AGAP1: variants seen among roughly 807,000 people sequenced by gnomAD.
AGAP1 encodes the protein arf-GAP with GTPase, ANK repeat and PH domain-containing protein 1.
In AGAP1, 29 loss-of-function variants were observed where a neutral mutation model predicts 105.3. The ratio of observed to expected loss-of-function variants is 0.28; its 90% CI spans 0.21 to 0.38. The LOEUF is 0.38. AGAP1 is among the 10% of genes least tolerant of loss of function. AGAP1 has a pLI of 1.00. For synonymous variants in AGAP1, 509 were observed against 485.9 expected, an observed-to-expected ratio of 1.05 and a Z score of -0.63; for missense variants, 998 against 1,165.1, an observed-to-expected ratio of 0.86 and a Z score of 2.09.
At chr2:236,059,058 G>A (rs1559235134) in intron 16 of AGAP1, among the ~76,000 whole-genome samples, 3 of 151,978 alleles carry the variant, frequency 2.0e-5, no homozygotes, top group Non-Finnish European at 2.9e-5. Context: ...CAGGTGCAGT[G>A]GCTCATACCT....
chr2:235,912,540 G>C (rs1247576188), intron 11 of AGAP1, among the ~76,000 whole-genome samples: 1 of 152,130 alleles, frequency 6.6e-6, no homozygotes, highest in Non-Finnish European at 1.5e-5. Flanking sequence ...GATTGAATTA[G>C]ATCAACATTT....
chr2:235,581,876 A>G (rs1168722470), intron 1 of AGAP1, among the ~76,000 whole-genome samples: 1 of 152,220 alleles, frequency 6.6e-6, no homozygotes, highest in African/African-American at 2.4e-5. Context: ...ATTCTCAAAC[A>G]TCACAATGAT....
rs1559717330 is a variant in AGAP1 at position 235,977,590 on chromosome 2, G to A, written c.1645+8967G>A. Among the ~76,000 whole-genome samples the A allele has an allele frequency of 6.6e-6, 1 of 152,106 alleles. No homozygotes were observed. Reference sequence around the variant, plus strand: ...TGTTCCCACGCTCTGTTAGACACATGCGGCCTGGGCTTCAGGAAGTAGAGA... The same window carrying A: ...TGTTCCCACGCTCTGTTAGACACATACGGCCTGGGCTTCAGGAAGTAGAGA... On this transcript the variant is annotated intron_variant, in intron 13 of 17. Transcript: ENST00000304032. This position sits in a 1 kb window ranked among gnomAD's most constrained non-coding sequence, Gnocchi z 5.2.
In AGAP1 at chr2:235,741,161, C is replaced by A. The variant is rs540779165; in HGVS notation, c.396+113C>A. ...TTGGTTTCCAAAAAAGTGGAAACCC[C>A]ATAAAAAATGTTTCCTCTCACTGCA... On this transcript the variant is annotated intron_variant, in intron 4 of 17. Transcript: ENST00000304032. The surrounding 1 kb of genome is among the most constrained non-coding windows in gnomAD (Gnocchi z 4.9). The A allele has an allele frequency of 4.8e-6, 4 of 828,514 alleles. No individual in the cohort carries two copies. In the South Asian group the frequency reaches 1.0e-4, roughly 22 times the overall value. 51.3% of individuals were successfully genotyped at this position (828,514 alleles called of 1,614,324 possible). A position where few individuals can be genotyped will look rare whatever the true frequency, so the allele number is the denominator to read the frequency against.
In AGAP1 at chr2:235,971,864, G is replaced by A. The variant is rs894980926; in HGVS notation, c.1645+3241G>A. Among the ~76,000 whole-genome samples the A allele has an allele frequency of 2.6e-5, 4 of 151,396 alleles. No homozygotes were observed. The highest frequency in any genetic ancestry group is 4.2e-4 in the South Asian group (2 of 4,752). ...TGCAGTCACGGCTCACTGCAGCCTC[G>A]AACTCCCAGGTTCAAGTGATCTTCC... is the stretch of plus-strand genomic sequence containing the variant. On this transcript the variant is annotated intron_variant, in intron 13 of 17. Coordinates refer to ENST00000304032, the MANE Select transcript of AGAP1 (RefSeq NM_001037131.3). The surrounding 1 kb of genome is among the most constrained non-coding windows in gnomAD (Gnocchi z 4.8).
chr2:235,665,741 T>C lies in AGAP1; in HGVS notation c.164-43438T>C, dbSNP rs1430260375. Among the ~76,000 whole-genome samples, 3 of 152,148 alleles carry C rather than the reference T, an allele frequency of 2.0e-5. No individual in the cohort carries two copies. Among genetic ancestry groups the C allele is most frequent in the Non-Finnish European group, 4.4e-5 (3 of 68,036 alleles). ...TGGTGGGCTCCCGGGGTGGGCATGC[T>C]CAGGCCTGGGCAGTACCAGTGGTTG... On this transcript the variant is annotated intron_variant, in intron 1 of 17. Coordinates refer to ENST00000304032, the MANE Select transcript of AGAP1 (RefSeq NM_001037131.3). The surrounding 1 kb of genome is among the most constrained non-coding windows in gnomAD (Gnocchi z 5.3).
At chr2:235,516,754 G>C (rs2149041275) in intron 1 of AGAP1, among the ~76,000 whole-genome samples, 1 of 152,318 alleles carries the variant, frequency 6.6e-6, no homozygotes, top group South Asian at 2.1e-4. Flanking sequence ...TCCCCGGCAG[G>C]CTTCAGAATC....
At chr2:235,997,101 G>T (rs2055850179) in intron 13 of AGAP1, among the ~76,000 whole-genome samples, 1 of 152,058 alleles carries the variant, frequency 6.6e-6, no homozygotes, top group African/African-American at 2.4e-5. Context: ...CTTTTTTGTT[G>T]TTGTTGTTAC....
intron 15 of AGAP1, among the ~76,000 whole-genome samples, chr2:236,043,947 T>A (rs1367561158): frequency 6.6e-6 from 1 of 151,944 alleles, no homozygotes; most frequent in East Asian, 1.9e-4. Flanking sequence ...AGCGTGGAAT[T>A]TGGAATTGTG....
chr2:235,547,740 T>C (rs895270346), intron 1 of AGAP1, among the ~76,000 whole-genome samples: 2 of 152,162 alleles, frequency 1.3e-5, no homozygotes, highest in Admixed American at 1.3e-4. Flanking sequence ...TGGTCTGCCC[T>C]CCTCAGCCTC....
chr2:235,799,765 G>GTGTA lies in AGAP1; in HGVS notation c.957+245_957+248dup. On this transcript the variant is annotated intron_variant, in intron 8 of 17. Coordinates refer to ENST00000304032, the MANE Select transcript of AGAP1 (RefSeq NM_001037131.3). The surrounding 1 kb of genome is among the most constrained non-coding windows in gnomAD (Gnocchi z 5.0). ...GTGTCTGAAATGAAGAGCTGGGGGT[G>GTGTA]TGTATAAAGGCACTTGTTATCCTGT... Among the ~76,000 whole-genome samples, 1 of 152,298 alleles carries GTGTA rather than the reference G, an allele frequency of 6.6e-6. No homozygotes were observed. Among genetic ancestry groups the GTGTA allele is most frequent in the South Asian group, 2.1e-4 (1 of 4,826 alleles).
rs1030829951 is a variant in AGAP1 at position 235,965,069 on chromosome 2, G to T, written c.1484-3393G>T. Among the ~76,000 whole-genome samples the T allele has an allele frequency of 6.6e-6, 1 of 152,196 alleles. No homozygotes were observed. The highest frequency in any genetic ancestry group is 2.1e-4 in the South Asian group (1 of 4,824). Reference sequence around the variant, plus strand: ...GTCTCAGGACTGCTGGCTACACCTCGGGTACAGTTAACCAAGGAGGTTTAC... The same window carrying T: ...GTCTCAGGACTGCTGGCTACACCTCTGGTACAGTTAACCAAGGAGGTTTAC... On this transcript the variant is annotated intron_variant, in intron 12 of 17. Coordinates refer to ENST00000304032, the MANE Select transcript of AGAP1 (RefSeq NM_001037131.3). The surrounding 1 kb of genome is among the most constrained non-coding windows in gnomAD (Gnocchi z 5.8).
intron 5 of AGAP1, among the ~76,000 whole-genome samples, chr2:235,746,920 C>T (rs1325715523): frequency 6.6e-6 from 1 of 152,084 alleles, no homozygotes; most frequent in East Asian, 1.9e-4. Flanking sequence ...ATCCATGTTC[C>T]ATCAGTAGGA....
rs377661769 is a variant in AGAP1 at position 236,062,110 on chromosome 2, G to A, written c.2114+12829G>A. Among the ~76,000 whole-genome samples, 17 of 152,254 alleles carry A rather than the reference G, an allele frequency of 1.1e-4. No homozygotes were observed. In the East Asian group the frequency reaches 1.2e-3, roughly 10 times the overall value. On this transcript the variant is annotated intron_variant, in intron 16 of 17. Transcript: ENST00000304032. This position sits in a 1 kb window ranked among gnomAD's most constrained non-coding sequence, Gnocchi z 4.2. ...CCCTGCGGACGGCCCACAGGGGAGC[G>A]AGAGCAGGTGGAAGGTGGTGCCTAT...
intron 1 of AGAP1, among the ~76,000 whole-genome samples, chr2:235,667,205 G>A (rs1298200013): frequency 6.6e-6 from 1 of 152,126 alleles, no homozygotes; most frequent in Non-Finnish European, 1.5e-5. Context: ...CATTTTTCGG[G>A]AGTTGGGTCA....
intron 9 of AGAP1, among the ~76,000 whole-genome samples, chr2:235,878,548 G>A (rs1378621041): frequency 2.0e-5 from 3 of 152,144 alleles, no homozygotes; most frequent in Non-Finnish European, 4.4e-5. Flanking sequence ...GTCGGGTTGA[G>A]ATTTCTTGTC....
rs1942644588 is a variant in AGAP1, at chr2:235,522,062, T to C, written c.163+27213T>C. ...CATCGGATGTAATCAGGATGTGCAG[T>C]CTTTTTGGTTCCTAGAGGCTGACTG... On this transcript the variant is annotated intron_variant, in intron 1 of 17. Transcript: ENST00000304032. 2.6e-5 allele frequency among the ~76,000 whole-genome samples: 4 copies of C among 152,256 alleles called. 1 individual carries two copies. In the South Asian group the frequency reaches 8.3e-4, roughly 32 times the overall value.
chr2:235,751,748 C>T lies in AGAP1; in HGVS notation c.673+1260C>T, dbSNP rs1408544290. 1.3e-5 allele frequency among the ~76,000 whole-genome samples: 2 copies of T among 152,310 alleles called. No homozygotes were observed. The highest frequency in any genetic ancestry group is 3.9e-4 in the East Asian group (2 of 5,176). On this transcript the variant is annotated intron_variant, in intron 6 of 17. Coordinates refer to ENST00000304032, the MANE Select transcript of AGAP1 (RefSeq NM_001037131.3). This position sits in a 1 kb window ranked among gnomAD's most constrained non-coding sequence, Gnocchi z 5.3. Reference sequence around the variant, plus strand: ...CGCATCTCTGCCTCTCAGATACTTACCTGTTTTTCAGCACGTTGGTCCTAG... The same window carrying T: ...CGCATCTCTGCCTCTCAGATACTTATCTGTTTTTCAGCACGTTGGTCCTAG...
intron 6 of AGAP1, among the ~76,000 whole-genome samples, chr2:235,759,718 CATAA>C (rs147445961): frequency 0.044 from 6,694 of 152,228 alleles, 518 homozygotes; most frequent in African/African-American, 0.15. Flanking sequence ...TGGGAAAATA[CATAA>C]ATGTTTGATG....
Sources: gnomAD v4.1 joint callset for allele counts (sites outside exome capture counted in the v4.1 genomes callset) on GRCh38, gnomAD v4.1.1 for gene constraint, Gnocchi (gnomAD v3.1) non-coding constraint, MANE v1.5 for transcripts, NCBI Gene and HGNC (gene_info 2026-07-23, HGNC 2026-07-21) for gene names.